The following PLCL1 variants were observed in gnomAD, a reference collection of about 807,000 sequenced individuals.
The protein encoded by PLCL1 is phospholipase C like 1 (inactive).
In PLCL1, 41 loss-of-function variants were observed where a neutral mutation model predicts 84.4. That is an observed-to-expected ratio of 0.49 (90% CI 0.38 to 0.63). The LOEUF (loss-of-function observed/expected upper bound fraction) is 0.63, where lower values mean the gene tolerates loss of function less well. Ranked by LOEUF, PLCL1 falls within the 30% of genes least tolerant of loss-of-function variation. PLCL1 has a pLI of 0.00. For missense variants in PLCL1, 1,206 were observed against 1,367.8 expected, an observed-to-expected ratio of 0.88 and a Z score of 1.87; for synonymous variants, 490 against 488.3, an observed-to-expected ratio of 1.00 and a Z score of -0.05.
chr2:198,092,544 C>A (rs1439706081), intron 3 of PLCL1, among the ~76,000 whole-genome samples: 1 of 152,142 alleles, frequency 6.6e-6, no homozygotes, highest in East Asian at 1.9e-4. Context: ...ACCGACACCA[C>A]CTCTTCTAGC....
chr2:197,846,974 T>C (rs1213489016), intron 1 of PLCL1, among the ~76,000 whole-genome samples: 1 of 152,144 alleles, frequency 6.6e-6, no homozygotes, highest in East Asian at 1.9e-4. Context: ...AACTATGAAG[T>C]AGTAGGCTGG....
intron 5 of PLCL1, among the ~76,000 whole-genome samples, chr2:198,141,931 T>C (rs1247326068): frequency 6.6e-6 from 1 of 152,234 alleles, no homozygotes; most frequent in East Asian, 1.9e-4. Flanking sequence ...CCCAATTAGC[T>C]GCTTTAAATA....
intron 1 of PLCL1, among the ~76,000 whole-genome samples, chr2:197,948,163 G>T (rs532224710): frequency 6.6e-6 from 1 of 152,258 alleles, no homozygotes; most frequent in East Asian, 1.9e-4. Flanking sequence ...GAAAGGATTT[G>T]CTGATGGATG....
At chr2:198,145,273 C>G (rs1694492854) in intron 5 of PLCL1, among the ~76,000 whole-genome samples, 1 of 152,096 alleles carries the variant, frequency 6.6e-6, no homozygotes, top group South Asian at 2.1e-4. Context: ...GAACAGACTT[C>G]CCAAAGTCTG....
At chr2:197,972,177 G>A (rs1051292443) in intron 1 of PLCL1, among the ~76,000 whole-genome samples, 3 of 152,230 alleles carry the variant, frequency 2.0e-5, no homozygotes, top group Non-Finnish European at 4.4e-5. Flanking sequence ...TGGGAATTAT[G>A]CCATGAGGGC....
intron 5 of PLCL1, among the ~76,000 whole-genome samples, chr2:198,106,401 C>G (rs1404670121): frequency 6.6e-6 from 1 of 151,826 alleles, no homozygotes; most frequent in Non-Finnish European, 1.5e-5. Flanking sequence ...AGATACAGAC[C>G]CTGACCTCAT....
At chr2:197,834,129 T>G (rs1441645226) in intron 1 of PLCL1, among the ~76,000 whole-genome samples, 5 of 152,196 alleles carry the variant, frequency 3.3e-5, no homozygotes, top group Non-Finnish European at 7.3e-5. Flanking sequence ...AAACTGAAAC[T>G]GGACCCCTTC....
At chr2:198,041,482 A>T (rs1040935442) in intron 1 of PLCL1, among the ~76,000 whole-genome samples, 10 of 152,186 alleles carry the variant, frequency 6.6e-5, no homozygotes, top group Non-Finnish European at 1.2e-4. Flanking sequence ...TCAGTAATTT[A>T]CTAAGCACAT....
At chr2:197,931,863 G>A (rs1559048921) in intron 1 of PLCL1, among the ~76,000 whole-genome samples, 1 of 152,192 alleles carries the variant, frequency 6.6e-6, no homozygotes, top group Non-Finnish European at 1.5e-5. Context: ...AGGGGAAGTG[G>A]AGAGGTTTAA....
At chr2:198,059,708 A>T (rs187040710) in intron 1 of PLCL1, among the ~76,000 whole-genome samples, 2 of 152,288 alleles carry the variant, frequency 1.3e-5, no homozygotes, top group East Asian at 3.9e-4. Flanking sequence ...AAGTACAATC[A>T]TGGAGTTTAA....
chr2:198,105,601 G>GGTGT (rs72103336), intron 5 of PLCL1, among the ~76,000 whole-genome samples: 10,243 of 143,570 alleles, frequency 0.071, 408 homozygotes, highest in Admixed American at 0.095. Flanking sequence ...TAATTTGCCT[G>GGTGT]GTGTGTGTGT....
intron 5 of PLCL1, among the ~76,000 whole-genome samples, chr2:198,140,961 C>T (rs1385147272): frequency 6.6e-6 from 1 of 152,086 alleles, no homozygotes; most frequent in Non-Finnish European, 1.5e-5. Context: ...AATCTAATGT[C>T]TCAGGTGAGC....
At chr2:197,834,074 C>G (rs184614332) in intron 1 of PLCL1, among the ~76,000 whole-genome samples, 99 of 152,324 alleles carry the variant, frequency 6.5e-4, no homozygotes, top group Non-Finnish European at 1.3e-3. Flanking sequence ...GTAAGATTCC[C>G]TATTTAATAA....
rs1390732091 is a variant in PLCL1 at position 198,006,090 on chromosome 2, G to A, written c.241-77668G>A. Among the ~76,000 whole-genome samples the A allele has an allele frequency of 3.9e-5, 6 of 152,294 alleles. No homozygotes were observed. In the South Asian group the frequency reaches 1.2e-3, roughly 32 times the overall value. On this transcript the variant is annotated intron_variant, in intron 1 of 5. Coordinates refer to ENST00000428675, the MANE Select transcript of PLCL1 (RefSeq NM_006226.4). ...ATATTTTAAGCTAAGAGAAAAGAGG[G>A]ACAGTTCACCAGTTTCTTCCCTTCT...
intron 1 of PLCL1, among the ~76,000 whole-genome samples, chr2:197,826,551 T>C (rs961034686): frequency 1.2e-4 from 19 of 152,318 alleles, no homozygotes; most frequent in African/African-American, 4.3e-4. Flanking sequence ...ACTAACAGCC[T>C]TTTTGGCAAT....
chr2:197,983,190 C>CTTTTTTTTTT (rs1445206643), intron 1 of PLCL1, among the ~76,000 whole-genome samples: 4 of 66,080 alleles, frequency 6.1e-5, no homozygotes, highest in African/African-American at 2.1e-4. Flanking sequence ...TTTTCTTTTT[C>CTTTTTTTTTT]TTTTCTTTTC....
chr2:198,131,836 G>A (rs1227011662), intron 5 of PLCL1, among the ~76,000 whole-genome samples: 1 of 152,196 alleles, frequency 6.6e-6, no homozygotes, highest in Non-Finnish European at 1.5e-5. Flanking sequence ...CAGGCTTCTT[G>A]AAGTGAGACT....
intron 2 of PLCL1, among the ~76,000 whole-genome samples, chr2:198,088,536 C>T (rs1692941591): frequency 6.6e-6 from 1 of 152,192 alleles, no homozygotes; most frequent in Non-Finnish European, 1.5e-5. Context: ...GTGAAATGCA[C>T]TCCAGTGTAC....
At chr2:198,127,475 T>C (rs2105933218) in intron 5 of PLCL1, among the ~76,000 whole-genome samples, 1 of 152,282 alleles carries the variant, frequency 6.6e-6, no homozygotes, top group South Asian at 2.1e-4. Flanking sequence ...ACGTTACCAT[T>C]TTTTCTCTCT....
Sources: gnomAD v4.1 joint callset for allele counts (sites outside exome capture counted in the v4.1 genomes callset) on GRCh38, gnomAD v4.1.1 for gene constraint, MANE v1.5 for transcripts, NCBI Gene and HGNC (gene_info 2026-07-23, HGNC 2026-07-21) for gene names.